Variants in ST6GALNAC2 observed in about 807,000 individuals in gnomAD.
ST6GALNAC2 encodes ST6 N-acetylgalactosaminide alpha-2,6-sialyltransferase 2.
In ST6GALNAC2, 42 loss-of-function variants were observed where a neutral mutation model predicts 38.7. The ratio of observed to expected loss-of-function variants is 1.09; its 90% confidence interval spans 0.85 to 1.40. ST6GALNAC2 has a LOEUF of 1.40. Ranked by LOEUF, ST6GALNAC2 falls within the 40% of genes most tolerant of loss-of-function variation. The pLI, the probability that ST6GALNAC2 is intolerant of heterozygous loss-of-function variation, is 0.00. For missense variants in ST6GALNAC2, 506 were observed against 481.7 expected, an observed-to-expected ratio of 1.05 and a Z score of -0.47; for synonymous variants, 233 against 209.0, an observed-to-expected ratio of 1.11 and a Z score of -0.99.
chr17:76,572,866 T>C, intron 4 of ST6GALNAC2, 91 bp from the exon 5 acceptor site: 4 of 1,479,460 alleles, frequency 2.7e-6, no homozygotes, highest in Non-Finnish European at 3.7e-6. Context: ...CCTATCCCCC[T>C]GCCTCTGTAT....
intron 5 of ST6GALNAC2, chr17:76,571,097 T>G (rs1049750400): frequency 6.4e-6 from 1 of 155,230 alleles, no homozygotes; most frequent in African/African-American, 2.4e-5. Flanking sequence ...GACGCCATCT[T>G]GATGTCAGCT....
chr17:76,579,315 C>T (rs993547223), intron 1 of ST6GALNAC2, among the ~76,000 whole-genome samples: 4 of 152,204 alleles, frequency 2.6e-5, no homozygotes, highest in African/African-American at 9.6e-5. Flanking sequence ...AAGATCAAGG[C>T]GTCCCTCAGC....
chr17:76,567,887 A>G (rs369332711), intron 7 of ST6GALNAC2: 2 of 293,982 alleles, frequency 6.8e-6, no homozygotes, highest in African/African-American at 4.4e-5. Context: ...TTGATTAAGT[A>G]GGAATCACGT....
chr17:76,585,244 C>T (rs1187953019), intron 1 of ST6GALNAC2, among the ~76,000 whole-genome samples: 2 of 152,172 alleles, frequency 1.3e-5, no homozygotes, highest in African/African-American at 4.8e-5. Context: ...GACGGAGGGT[C>T]CCCGCGAAGT....
In ST6GALNAC2 at chr17:76,567,446, C is replaced by A; in HGVS notation, c.957+7G>T. On this transcript the variant is annotated splice_region_variant and intron_variant, in intron 8 of 8. Transcript: ENST00000225276. ...GGCATGGGCTTCTGGAAGAGAAGGC[C>A]TCTTACCTGGTCACAGGTATGCAAA... 2 of 1,607,106 alleles carry A rather than the reference C, an allele frequency of 1.2e-6. No individual in the cohort carries two copies. The highest frequency in any genetic ancestry group is 1.7e-6 in the Non-Finnish European group (2 of 1,173,828).
intron 2 of ST6GALNAC2, among the ~76,000 whole-genome samples, chr17:76,577,511 G>A (rs1358645486): frequency 6.6e-6 from 1 of 151,784 alleles, no homozygotes; most frequent in East Asian, 1.9e-4. Context: ...CCTGGTCCAA[G>A]CACTCCTAAG....
Position 76,573,481 on chromosome 17 carries a change from A to G in ST6GALNAC2, c.362-118T>C. 1.0e-6 allele frequency: 1 copy of G among 973,192 alleles called. No individual in the cohort carries two copies. The highest frequency in any genetic ancestry group is 3.1e-5 in the East Asian group (1 of 32,660). 60.3% of individuals were successfully genotyped at this position (973,192 alleles called of 1,614,324 possible). A position where few individuals can be genotyped will look rare whatever the true frequency, so the allele number is the denominator to read the frequency against. ...TGAGGCCTGACCCTAGCCCCTCCCA[A>G]GAAGCACAGAGGGTGGGAGGGGAAG... On this transcript the variant is annotated intron_variant, in intron 3 of 8. Transcript: ENST00000225276. This position sits in a 1 kb window ranked among gnomAD's most constrained non-coding sequence, Gnocchi z 5.1.
chr17:76,567,844 G>A, intron 7 of ST6GALNAC2: 1 of 341,550 alleles, frequency 2.9e-6, no homozygotes, highest in South Asian at 2.9e-5. Flanking sequence ...TGTTTATTTA[G>A]CCTGAGACTG....
chr17:76,573,097 C>T lies in ST6GALNAC2; in HGVS notation c.530+98G>A. 41 of 1,340,118 alleles carry T rather than the reference C, an allele frequency of 3.1e-5. No individual in the cohort carries two copies. Among genetic ancestry groups the T allele is most frequent in the Non-Finnish European group, 4.2e-5 (41 of 985,650 alleles). The allele number at this position is 1,340,118 out of a possible 1,614,324, so 83.0% of individuals were successfully genotyped here. A position where few individuals can be genotyped will look rare whatever the true frequency, so the allele number is the denominator to read the frequency against. On this transcript the variant is annotated intron_variant, in intron 4 of 8. Coordinates refer to ENST00000225276, the MANE Select transcript of ST6GALNAC2 (RefSeq NM_006456.3). This position sits in a 1 kb window ranked among gnomAD's most constrained non-coding sequence, Gnocchi z 5.1. Reference sequence around the variant, plus strand: ...TGCTGGTCACAACTGCTGAGCCGCCCAGGCCACTGCTGCCATAGCCCACTG... The same window carrying T: ...TGCTGGTCACAACTGCTGAGCCGCCTAGGCCACTGCTGCCATAGCCCACTG...
rs775157150 is a variant in ST6GALNAC2 at position 76,572,670 on chromosome 17, C to T, written c.636G>A (p.Trp212Ter). Residue 212 changes from tryptophan to a stop codon, truncating the protein, a stop_gained, in exon 5 of 9, where the codon TGG (tryptophan) becomes TGA (stop). Coordinates refer to ENST00000225276, the MANE Select transcript of ST6GALNAC2 (RefSeq NM_006456.3). LOFTEE classifies it high-confidence loss of function. ...GTGGCACGGAGGTGAAGCCCAGATT[C>T]CAGTAGGAGACGAGGGAGTTCTTCA... is the stretch of plus-strand genomic sequence containing the variant. ...NTMKNSLVSY[W>*]NLGFTSVPQG... is the part of the protein sequence containing the mutation. 11 of 1,614,038 alleles carry T rather than the reference C, an allele frequency of 6.8e-6. No individual in the cohort carries two copies. Among genetic ancestry groups the T allele is most frequent in the Non-Finnish European group, 9.3e-6 (11 of 1,180,034 alleles).
At chr17:76,577,044 T>C (rs2075424785) in intron 2 of ST6GALNAC2, among the ~76,000 whole-genome samples, 1 of 146,554 alleles carries the variant, frequency 6.8e-6, no homozygotes, top group Non-Finnish European at 1.5e-5. Flanking sequence ...TTGGAACAAA[T>C]TAACAAATTC....
chr17:76,570,756 CT>C (rs1293004817), intron 5 of ST6GALNAC2, 88 bp from the exon 6 acceptor site: 1 of 981,070 alleles, frequency 1.0e-6, no homozygotes, highest in Non-Finnish European at 1.6e-6. Flanking sequence ...ACCTTGCCCC[CT>C]GAGCCGACTG....
Position 76,574,360 on chromosome 17 carries a change from G to A in ST6GALNAC2, c.361+5C>T, listed in dbSNP as rs1385443110. 6.2e-7 allele frequency: 1 copy of A among 1,610,432 alleles called. No individual in the cohort carries two copies. Among genetic ancestry groups the A allele is most frequent in the East Asian group, 2.2e-5 (1 of 44,790 alleles). ...GGCAGGTGAGAGACAGCGGGCGCGG[G>A]TTACCTTGGTGAGAGAGCCCCCGCC... On this transcript the variant is annotated splice_donor_5th_base_variant and intron_variant, in intron 3 of 8. Transcript: ENST00000225276.
At chr17:76,576,760 C>T (rs1248192977) in intron 2 of ST6GALNAC2, among the ~76,000 whole-genome samples, 1 of 152,028 alleles carries the variant, frequency 6.6e-6, no homozygotes, top group Non-Finnish European at 1.5e-5. Context: ...CACCTAAGTT[C>T]AGGGGTTTGA....
In ST6GALNAC2 at chr17:76,585,798, G is replaced by T. The variant is rs148525024; in HGVS notation, c.11C>A (p.Pro4Gln). The T allele has an allele frequency of 2.6e-6, 4 of 1,551,146 alleles. No individual in the cohort carries two copies. The East Asian group carries it at 9.8e-5, about 38-fold the overall frequency. ...CAGCAGCCAGAAGAACGACCCGCGCGGGAGCCCCATACAGCCCCGGCCCGC... is the reference window on the plus strand; with the variant it reads ...CAGCAGCCAGAAGAACGACCCGCGCTGGAGCCCCATACAGCCCCGGCCCGC... MGL[P>Q]RGSFFWLLLL... is the part of the protein sequence containing the mutation. The change falls in exon 1 of 9, where the codon CCG becomes CAG. Residue 4 changes from proline (P) to glutamine (Q), a missense_variant. Pro to Gln is a moderately conservative substitution (Grantham distance 76). Coordinates refer to ENST00000225276, the MANE Select transcript of ST6GALNAC2 (RefSeq NM_006456.3).
chr17:76,568,750 G>C lies in ST6GALNAC2; in HGVS notation c.820C>G (p.Leu274Val). 1 of 1,613,726 alleles carries C rather than the reference G, an allele frequency of 6.2e-7. No individual in the cohort carries two copies. Among genetic ancestry groups the C allele is most frequent in the Non-Finnish European group, 8.5e-7 (1 of 1,180,002 alleles). Reference protein sequence around the residue: ...GPEASASKFKLLHPDFISYLT... With the variant: ...GPEASASKFKVLHPDFISYLT... ...TAGCTGATGAAGTCCGGATGTAGCA[G>C]CTTGAATTTACTGGCAGAGGCTTCT... Residue 274 changes from leucine (L) to valine (V), a missense_variant, in exon 7 of 9, where the codon CTG becomes GTG. Transcript: ENST00000225276.
intron 6 of ST6GALNAC2, chr17:76,569,091 C>T (rs919011401): frequency 1.3e-4 from 7 of 55,728 alleles, no homozygotes; most frequent in Admixed American, 4.7e-4. Flanking sequence ...GGTGGGGGGG[C>T]GGGGGAAGGA....
At position 76,572,726 on chromosome 17, in the gene ST6GALNAC2, T is replaced by A; in HGVS notation, c.580A>T (p.Thr194Ser). ...KGFERDVGTK[T>S]SFYGFTVNTM... ...TTCACAGTGAAACCATAGAAGGAAG[T>A]CTTGGTGCCCACATCGCGCTCGAAG... The change falls in exon 5 of 9, where the codon ACT becomes TCT. Residue 194 changes from threonine to serine, a missense_variant. Coordinates refer to ENST00000225276, the MANE Select transcript of ST6GALNAC2 (RefSeq NM_006456.3). 1 of 1,614,106 alleles carries A rather than the reference T, an allele frequency of 6.2e-7. No individual in the cohort carries two copies. The highest frequency in any genetic ancestry group is 2.2e-5 in the East Asian group (1 of 44,874).
At chr17:76,571,876 G>A (rs1036387706) in intron 5 of ST6GALNAC2, among the ~76,000 whole-genome samples, 4 of 152,200 alleles carry the variant, frequency 2.6e-5, no homozygotes, top group Admixed American at 2.6e-4. Context: ...GAGGCCAGCA[G>A]GTAGGGCCAG....
Sources: allele counts gnomAD v4.1 joint callset (sites outside exome capture counted in the v4.1 genomes callset), GRCh38; gene constraint gnomAD v4.1.1; non-coding constraint Gnocchi (gnomAD v3.1); transcripts MANE v1.5; gene names NCBI Gene and HGNC (gene_info 2026-07-23, HGNC 2026-07-21).